AOX1: variants seen among roughly 807,000 people sequenced by gnomAD.
AOX1 encodes aldehyde oxidase.
A neutral mutation model predicts 169.5 loss-of-function variants in AOX1; 153 were observed. That is an observed-to-expected ratio of 0.90 (90% CI 0.79 to 1.03). The LOEUF (loss-of-function observed/expected upper bound fraction) is 1.03, where lower values mean the gene tolerates loss of function less well. Among genes scored for constraint, AOX1 ranks in the 50% least tolerant of loss-of-function variants. The pLI is 0.00. For missense variants in AOX1, 1,656 were observed against 1,663.9 expected, an observed-to-expected ratio of 1.00 and a Z score of 0.08; for synonymous variants, 562 against 581.9, an observed-to-expected ratio of 0.97 and a Z score of 0.49.
At chr2:200,627,594 T>C (rs2035033611) in intron 20 of AOX1, 145 bp downstream of exon 20, 4 of 619,614 alleles carry the variant, frequency 6.5e-6, no homozygotes, top group East Asian at 2.8e-5. Context: ...CATTCACAAA[T>C]GTGTTTCCCT....
At chr2:200,660,314 C>G (rs1024541268) in intron 29 of AOX1, among the ~76,000 whole-genome samples, 4 of 152,334 alleles carry the variant, frequency 2.6e-5, no homozygotes, top group Non-Finnish European at 5.9e-5. Context: ...GCCAGAACTC[C>G]TGTTTTAATC....
At chr2:200,627,093 TCTGGGATCACTTAGATG>T (rs1383653646) in intron 19 of AOX1, among the ~76,000 whole-genome samples, 1 of 152,234 alleles carries the variant, frequency 6.6e-6, no homozygotes, top group African/African-American at 2.4e-5. Flanking sequence ...CTAGTTTCAT[TCTGGGATCACTTAGATG>T]CCAGTTTTTT....
intron 12 of AOX1, among the ~76,000 whole-genome samples, chr2:200,609,866 C>T (rs2105706898): frequency 6.6e-6 from 1 of 152,262 alleles, no homozygotes; most frequent in South Asian, 2.1e-4. Flanking sequence ...GGGCCTCATT[C>T]TATATTTATT....
At chr2:200,633,943 C>T (rs1437583042) in intron 20 of AOX1, among the ~76,000 whole-genome samples, 1 of 152,134 alleles carries the variant, frequency 6.6e-6, no homozygotes, top group East Asian at 1.9e-4. Context: ...CCCCATGTGG[C>T]ATCCACTGAC....
In AOX1 at chr2:200,651,004, G is replaced by C; in HGVS notation, c.2878G>C (p.Asp960His). 1 of 1,614,110 alleles carries C rather than the reference G, an allele frequency of 6.2e-7. No individual in the cohort carries two copies. The highest frequency in any genetic ancestry group is 8.5e-7 in the Non-Finnish European group (1 of 1,180,012). Residue 960 changes from aspartate to histidine, a missense_variant, in exon 26 of 35, where the codon GAT becomes CAT. Transcript: ENST00000374700. ...VRIINMYKEI[D>H]QTPYKQEINA... ...AATCATAAACATGTACAAGGAAATT[G>C]ATCAAACACCCTACAAACAAGAGAT...
At chr2:200,613,224 C>T (rs1440725761) in intron 14 of AOX1, among the ~76,000 whole-genome samples, 1 of 152,174 alleles carries the variant, frequency 6.6e-6, no homozygotes, top group Non-Finnish European at 1.5e-5. Context: ...ATTTCTTGAG[C>T]ATTACTTGGT....
chr2:200,681,711 C>A (rs2036153779), downstream of AOX1, among the ~76,000 whole-genome samples: 1 of 152,214 alleles, frequency 6.6e-6, no homozygotes, highest in Non-Finnish European at 1.5e-5. Flanking sequence ...AGTCAATTTT[C>A]CACATGACTG....
At position 200,659,174 on chromosome 2, in the gene AOX1, C is replaced by T. The variant is rs766860082; in HGVS notation, c.3181C>T (p.Arg1061Cys). ...VHTKMIQVVSRELRMPMSNVH... is the reference protein window; with the variant it reads ...VHTKMIQVVSCELRMPMSNVH... Reference sequence around the variant, plus strand: ...CTCTCTTAAAATTCAGGTGGTCAGCCGTGAATTAAGAATGCCAATGTCGAA... The same window carrying T: ...CTCTCTTAAAATTCAGGTGGTCAGCTGTGAATTAAGAATGCCAATGTCGAA... The change falls in exon 28 of 35, where the codon CGT becomes TGT. Residue 1061 changes from arginine (R) to cysteine (C), a missense_variant. Physicochemically the swap from Arg to Cys is radical, Grantham distance 180. Coordinates refer to ENST00000374700, the MANE Select transcript of AOX1 (RefSeq NM_001159.4). The T allele has an allele frequency of 5.6e-6, 9 of 1,613,528 alleles. No homozygotes were observed. The highest frequency in any genetic ancestry group is 2.2e-5 in the East Asian group (1 of 44,878).
At chr2:200,642,294 T>G (rs1386710729) in intron 24 of AOX1, among the ~76,000 whole-genome samples, 1 of 152,182 alleles carries the variant, frequency 6.6e-6, no homozygotes, top group African/African-American at 2.4e-5. Flanking sequence ...GGATATTATA[T>G]TCATTACATT....
Position 200,670,654 on chromosome 2 carries a change from A to G in AOX1, c.3992A>G (p.Tyr1331Cys), listed in dbSNP as rs887645557. The G allele has an allele frequency of 1.9e-5, 31 of 1,612,932 alleles. No homozygotes were observed. Among genetic ancestry groups the G allele is most frequent in the East Asian group, 1.1e-4 (5 of 44,892 alleles). Residue 1331 changes from tyrosine to cysteine, a missense_variant, in exon 35 of 35, where the codon TAC becomes TGC. Coordinates refer to ENST00000374700, the MANE Select transcript of AOX1 (RefSeq NM_001159.4). ...ATTCCGAGAGATGAACCTGGATCCTACGTTCCTTGGAATGTACCCATCTGA... is the reference window on the plus strand; with the variant it reads ...ATTCCGAGAGATGAACCTGGATCCTGCGTTCCTTGGAATGTACCCATCTGA... ...KMIPRDEPGS[Y>C]VPWNVPI
chr2:200,642,492 A>G (rs2035370887), intron 24 of AOX1, 118 bp from the exon 25 acceptor site: 3 of 667,612 alleles, frequency 4.5e-6, no homozygotes, highest in Non-Finnish European at 7.5e-6. Context: ...GGAATATTTT[A>G]GCATGTTAGA....
At chr2:200,593,008 T>C in intron 1 of AOX1, 138 bp from the exon 2 acceptor site, 5 of 669,566 alleles carry the variant, frequency 7.5e-6, no homozygotes, top group Non-Finnish European at 1.3e-5. Context: ...ATCACAGCTG[T>C]TCCATAAAGC....
intron 3 of AOX1, among the ~76,000 whole-genome samples, chr2:200,597,179 CT>C (rs1247196074): frequency 6.6e-6 from 1 of 152,184 alleles, no homozygotes; most frequent in Non-Finnish European, 1.5e-5. Flanking sequence ...AATCCTGCCT[CT>C]GACACTCTGG....
At chr2:200,679,548 T>C (rs2036135905), downstream of AOX1, 1 of 152,134 alleles carries the variant, frequency 6.6e-6, no homozygotes, top group Non-Finnish European at 1.5e-5. Context: ...CAAGAAGAAA[T>C]ATTACCCATT....
At chr2:200,626,311 A>T (rs542167438) in intron 19 of AOX1, among the ~76,000 whole-genome samples, 9 of 152,220 alleles carry the variant, frequency 5.9e-5, no homozygotes, top group Non-Finnish European at 1.3e-4. Context: ...GAAATGGCAG[A>T]ATCACAATAG....
At chr2:200,589,836 A>G (rs2034132568) in intron 1 of AOX1, among the ~76,000 whole-genome samples, 1 of 152,162 alleles carries the variant, frequency 6.6e-6, no homozygotes, top group African/African-American at 2.4e-5. Context: ...AGCATTCTCT[A>G]AGGTTCTTGG....
intron 31 of AOX1, among the ~76,000 whole-genome samples, chr2:200,665,731 C>G (rs1344339451): frequency 6.6e-6 from 1 of 152,200 alleles, no homozygotes; most frequent in African/African-American, 2.4e-5. Context: ...CCCCACCAGC[C>G]TAAGCACACA....
At chr2:200,621,065 C>G (rs1383742668) in intron 17 of AOX1, 55 bp from the exon 18 acceptor site, 3 of 1,557,284 alleles carry the variant, frequency 1.9e-6, no homozygotes, top group Admixed American at 2.1e-5. Context: ...TCCAATTAAC[C>G]ATGTTCTTGG....
chr2:200,623,159 G>C (rs990439007), intron 18 of AOX1, among the ~76,000 whole-genome samples: 1 of 152,194 alleles, frequency 6.6e-6, no homozygotes, highest in African/African-American at 2.4e-5. Flanking sequence ...AGAGAACTCA[G>C]CAATGATGGT....
Sources: allele counts gnomAD v4.1 joint callset (sites outside exome capture counted in the v4.1 genomes callset), GRCh38; gene constraint gnomAD v4.1.1; transcripts MANE v1.5; gene names NCBI Gene and HGNC (gene_info 2026-07-23, HGNC 2026-07-21).